The following KATNAL1 variants were observed in gnomAD, a reference collection of about 807,000 sequenced individuals.
KATNAL1 encodes katanin p60 ATPase-containing subunit A-like 1.
KATNAL1 carries 32 observed loss-of-function variants against 55.2 expected under a neutral mutation model. The ratio of observed to expected loss-of-function variants is 0.58; its 90% CI spans 0.44 to 0.78. KATNAL1 has a LOEUF of 0.78. Among genes scored for constraint, KATNAL1 ranks in the 30% least tolerant of loss-of-function variants. The probability of loss-of-function intolerance (pLI) is 0.00; values close to 1 mark genes in which losing one functional copy is unlikely to be tolerated. For synonymous variants in KATNAL1, 193 were observed against 193.6 expected (o/e 1.00, Z 0.02); for missense variants, 466 against 600.9 (o/e 0.78, Z 2.35).
intron 3 of KATNAL1, among the ~76,000 whole-genome samples, chr13:30,276,440 G>A (rs1241137726): frequency 6.6e-6 from 1 of 151,576 alleles, no homozygotes; most frequent in African/African-American, 2.4e-5. Context: ...CCAAATTAGT[G>A]GCTAATGCCA....
intron 2 of KATNAL1, among the ~76,000 whole-genome samples, chr13:30,283,291 A>AAAAAAT (rs1881536035): frequency 8.9e-6 from 1 of 112,514 alleles, no homozygotes; most frequent in Non-Finnish European, 1.7e-5. Context: ...AAAAAAAAAA[A>AAAAAAT]GGAATGAATG....
intron 3 of KATNAL1, among the ~76,000 whole-genome samples, chr13:30,259,267 G>A (rs1430675382): frequency 2.0e-5 from 3 of 152,048 alleles, no homozygotes; most frequent in Non-Finnish European, 2.9e-5. Context: ...TTGAATCTGA[G>A]AGGCAAAGGT....
chr13:30,207,211 G>A lies in KATNAL1; in HGVS notation c.*1329C>T, dbSNP rs1445315272. The stretch of plus-strand genomic sequence containing the variant: ...GCATAAATTGCCTAATGAGACACAT[G>A]TAATCATAAAAACTAACGCCAGGAT... On this transcript the variant is annotated 3_prime_UTR_variant, in exon 11 of 11. Transcript: ENST00000380615. 6.6e-6 allele frequency: 1 copy of A among 152,188 alleles called. No individual in the cohort carries two copies. The highest frequency in any genetic ancestry group is 2.4e-5 in the African/African-American group (1 of 41,452). 9.4% of individuals were successfully genotyped at this position (152,188 alleles called of 1,614,324 possible).
chr13:30,303,913 T>G (rs989326338), intron 1 of KATNAL1, among the ~76,000 whole-genome samples: 31 of 152,192 alleles, frequency 2.0e-4, no homozygotes, highest in African/African-American at 7.5e-4. Context: ...TCAAGTAAAG[T>G]CTAGAACAGG....
intron 3 of KATNAL1, among the ~76,000 whole-genome samples, chr13:30,274,890 TACGCGCGC>T (rs1310227360): frequency 5.2e-5 from 4 of 76,996 alleles, no homozygotes; most frequent in Non-Finnish European, 7.5e-5. Context: ...TGCACACACA[TACGCGCGC>T]GCGCGCGCGC....
intron 1 of KATNAL1, among the ~76,000 whole-genome samples, chr13:30,306,022 G>T (rs1883154402): frequency 2.0e-5 from 3 of 152,038 alleles, no homozygotes; most frequent in African/African-American, 7.2e-5. Flanking sequence ...TTAATTAAGA[G>T]AAAGTTTTAT....
chr13:30,301,447 G>A (rs1300267651), intron 1 of KATNAL1, among the ~76,000 whole-genome samples: 1 of 152,130 alleles, frequency 6.6e-6, no homozygotes, highest in African/African-American at 2.4e-5. Context: ...TAATAGTAGC[G>A]ATGTTTATTG....
intron 3 of KATNAL1, among the ~76,000 whole-genome samples, chr13:30,266,480 T>C (rs1365753419): frequency 6.6e-6 from 1 of 152,178 alleles, no homozygotes; most frequent in East Asian, 1.9e-4. Context: ...AAATTAAGTT[T>C]ACAAATAAGA....
chr13:30,206,560 T>C lies in KATNAL1; in HGVS notation c.*1980A>G, dbSNP rs1164303460. 6.6e-6 allele frequency: 1 copy of C among 152,074 alleles called. No individual in the cohort carries two copies. Among genetic ancestry groups the C allele is most frequent in the Non-Finnish European group, 1.5e-5 (1 of 68,024 alleles). The allele number at this position is 152,074 out of a possible 1,614,324, so 9.4% of individuals were successfully genotyped here. A position where few individuals can be genotyped will look rare whatever the true frequency, so the allele number is the denominator to read the frequency against. Reference sequence around the variant, plus strand: ...TGAAGAATTCAGAAAAATAATTAAATGCACACCAAGATAATCAATACAAAA... The same window carrying C: ...TGAAGAATTCAGAAAAATAATTAAACGCACACCAAGATAATCAATACAAAA... On this transcript the variant is annotated 3_prime_UTR_variant, in exon 11 of 11. Coordinates refer to ENST00000380615, the MANE Select transcript of KATNAL1 (RefSeq NM_032116.5).
intron 1 of KATNAL1, among the ~76,000 whole-genome samples, chr13:30,290,590 A>G (rs1242870047): frequency 2.0e-5 from 3 of 152,188 alleles, no homozygotes; most frequent in Non-Finnish European, 4.4e-5. Context: ...TATCCAACTC[A>G]TATTTTAAAG....
At position 30,294,782 on chromosome 13, in the gene KATNAL1, G is replaced by A. The variant is rs113418605; in HGVS notation, c.-14-10991C>T. Among the ~76,000 whole-genome samples, 1,303 of 152,300 alleles carry A rather than the reference G, an allele frequency of 8.6e-3. 27 individuals are homozygous for A. Among genetic ancestry groups the A allele is most frequent in the African/African-American group, 0.03 (1,240 of 41,546 alleles). On this transcript the variant is annotated intron_variant, in intron 1 of 10. Coordinates refer to ENST00000380615, the MANE Select transcript of KATNAL1 (RefSeq NM_032116.5). ...AGCCTTAAAGGACAGGCTGGCTCTC[G>A]TGTCAGGGGCTGATTTAGCTGACGA...
intron 1 of KATNAL1, chr13:30,296,333 G>GC: frequency 2.6e-6 from 3 of 1,151,244 alleles, no homozygotes; most frequent in Non-Finnish European, 1.3e-6. Flanking sequence ...CAGCCATGCC[G>GC]AGGACTTCCG....
intron 1 of KATNAL1, among the ~76,000 whole-genome samples, chr13:30,294,046 G>A (rs1169123607): frequency 2.0e-5 from 3 of 152,160 alleles, no homozygotes; most frequent in Admixed American, 2.0e-4. Context: ...CTACCAATAG[G>A]CTGTTGCCCT....
chr13:30,227,737 A>T (rs1875650455), intron 8 of KATNAL1, among the ~76,000 whole-genome samples, 191 bp from the exon 9 acceptor site: 2 of 151,394 alleles, frequency 1.3e-5, no homozygotes, highest in South Asian at 4.2e-4. Context: ...AATTCACATA[A>T]CCTAGTGTGG....
chr13:30,256,369 T>C (rs543424056), intron 3 of KATNAL1, among the ~76,000 whole-genome samples: 2 of 152,280 alleles, frequency 1.3e-5, no homozygotes, highest in African/African-American at 4.8e-5. Context: ...TTTTTGTCTC[T>C]TTTTGATTCT....
chr13:30,248,941 C>T (rs1187818792), intron 4 of KATNAL1, among the ~76,000 whole-genome samples: 1 of 152,178 alleles, frequency 6.6e-6, no homozygotes, highest in Non-Finnish European at 1.5e-5. Flanking sequence ...CACCTGTATT[C>T]CCAGCTACTC....
intron 3 of KATNAL1, among the ~76,000 whole-genome samples, chr13:30,257,174 GA>G (rs900926162): frequency 3.5e-4 from 53 of 151,100 alleles, no homozygotes; most frequent in Middle Eastern, 3.4e-3. Flanking sequence ...ACTGTTTTTT[GA>G]CCTAATTTTT....
intron 3 of KATNAL1, among the ~76,000 whole-genome samples, chr13:30,270,259 G>GC (rs1383628874): frequency 3.8e-5 from 5 of 132,828 alleles, no homozygotes; most frequent in South Asian, 2.4e-4. Context: ...TGGGGGGTCA[G>GC]CCCCCCCGCC....
chr13:30,287,035 G>C (rs1881834571), intron 1 of KATNAL1, among the ~76,000 whole-genome samples: 3 of 152,194 alleles, frequency 2.0e-5, no homozygotes, highest in African/African-American at 7.2e-5. Context: ...TATCTAGAAA[G>C]TAACTAACTT....
Sources: gnomAD v4.1 joint callset for allele counts (sites outside exome capture counted in the v4.1 genomes callset) on GRCh38, gnomAD v4.1.1 for gene constraint, MANE v1.5 for transcripts, NCBI Gene and HGNC (gene_info 2026-07-23, HGNC 2026-07-21) for gene names.